CES5A: variants seen among roughly 807,000 people sequenced by gnomAD.
CES5A encodes carboxylesterase 5A, also known as carboxylesterase 5.
A neutral mutation model predicts 62.9 loss-of-function variants in CES5A; 67 were observed. That is an observed-to-expected ratio of 1.07 (90% CI 0.88 to 1.31). CES5A has a LOEUF of 1.31. Among genes scored for constraint, CES5A ranks in the 50% most tolerant of loss-of-function variants. The pLI, the probability that CES5A is intolerant of heterozygous loss-of-function variation, is 0.00. For synonymous variants in CES5A, 296 were observed against 280.8 expected, an observed-to-expected ratio of 1.05 and a Z score of -0.54; for missense variants, 748 against 708.5, an observed-to-expected ratio of 1.06 and a Z score of -0.63.
At chr16:55,954,296 C>G (rs79155935) in intron 1 of CES5A, among the ~76,000 whole-genome samples, 1 of 152,138 alleles carries the variant, frequency 6.6e-6, no homozygotes, top group African/African-American at 2.4e-5. Flanking sequence ...AAGAAAATAA[C>G]TTTTCCAGAA....
chr16:55,933,912 C>A (rs1237693106), intron 2 of CES5A, among the ~76,000 whole-genome samples: 1 of 152,100 alleles, frequency 6.6e-6, no homozygotes, highest in South Asian at 2.1e-4. Flanking sequence ...AACCCTTGAC[C>A]CCACCTCCTC....
chr16:55,919,695 C>A (rs1370440123), intron 1 of CES5A, among the ~76,000 whole-genome samples: 2 of 152,180 alleles, frequency 1.3e-5, no homozygotes, highest in Admixed American at 6.5e-5. Context: ...TTTAAAAAAT[C>A]AATTTATACA....
chr16:55,913,802 G>C (rs905317593), intron 1 of CES5A, among the ~76,000 whole-genome samples: 5 of 152,310 alleles, frequency 3.3e-5, no homozygotes, highest in Non-Finnish European at 7.3e-5. Flanking sequence ...AATGCATTTA[G>C]TCATTCATTT....
intron 1 of CES5A, among the ~76,000 whole-genome samples, chr16:55,953,137 C>T (rs1270580714): frequency 1.3e-5 from 2 of 152,156 alleles, no homozygotes; most frequent in Non-Finnish European, 2.9e-5. Flanking sequence ...TCAACTGATG[C>T]TAAAATTTAA....
chr16:55,862,721 G>C (rs1294079538), intron 6 of CES5A, among the ~76,000 whole-genome samples: 2 of 152,198 alleles, frequency 1.3e-5, no homozygotes, highest in East Asian at 3.8e-4. Context: ...GCACAGCCCA[G>C]TGCTTAATTA....
At chr16:55,911,414 G>A (rs1213134079) in intron 1 of CES5A, among the ~76,000 whole-genome samples, 1 of 152,180 alleles carries the variant, frequency 6.6e-6, no homozygotes, top group Non-Finnish European at 1.5e-5. Context: ...GATCGTGGTG[G>A]ACAACATACA....
intron 1 of CES5A, among the ~76,000 whole-genome samples, chr16:55,906,983 C>T (rs79361135): frequency 0.019 from 2,935 of 152,282 alleles, 104 homozygotes; most frequent in African/African-American, 0.067. Context: ...AGTCTCTGCC[C>T]ATAGGGTTGT....
intron 8 of CES5A, among the ~76,000 whole-genome samples, chr16:55,858,687 C>T (rs2033292451): frequency 6.6e-6 from 1 of 152,210 alleles, no homozygotes. Context: ...TATTTCTTAA[C>T]CCTATTTCCT....
chr16:55,874,193 G>T (rs2033654484), intron 1 of CES5A, among the ~76,000 whole-genome samples, 156 bp from the exon 2 acceptor site: 1 of 152,198 alleles, frequency 6.6e-6, no homozygotes, highest in Admixed American at 6.5e-5. Flanking sequence ...CCAGTTCCAT[G>T]GCTTTTTCCA....
intron 6 of CES5A, 129 bp downstream of exon 6, chr16:55,863,219 C>T (rs1207169777): frequency 2.8e-5 from 19 of 674,990 alleles, no homozygotes; most frequent in Non-Finnish European, 8.2e-6. Flanking sequence ...ACAAGGTTCA[C>T]CTTGGGCCAG....
At position 55,846,533 on chromosome 16, in the gene CES5A, G is replaced by A. The variant is rs762533167; in HGVS notation, c.1646C>T (p.Ala549Val). The A allele has an allele frequency of 6.2e-7, 1 of 1,614,160 alleles. No individual in the cohort carries two copies. Among genetic ancestry groups the A allele is most frequent in the South Asian group, 1.1e-5 (1 of 91,078 alleles). The change falls in exon 13 of 13, where the codon GCC becomes GTC. Residue 549 changes from alanine (A) to valine (V), a missense_variant. By Grantham distance (64) the Ala-to-Val change is moderately conservative (BLOSUM62 0). Coordinates refer to ENST00000290567, the MANE Select transcript of CES5A (RefSeq NM_001143685.2). ...AAGAGGACTGTGGAGCATGTCGGAG[G>A]CAGACAGGATCAGGGGGATGGTGCT... The part of the protein sequence containing the change: ...WTSTIPLILS[A>V]SDMLHSPLSS...
chr16:55,889,410 C>T (rs1246778210), intron 1 of CES5A, among the ~76,000 whole-genome samples: 1 of 152,144 alleles, frequency 6.6e-6, no homozygotes, highest in Non-Finnish European at 1.5e-5. Flanking sequence ...AATTGGGATT[C>T]CCATGACCCC....
chr16:55,936,278 C>A (rs1295518682), intron 2 of CES5A, among the ~76,000 whole-genome samples: 1 of 152,158 alleles, frequency 6.6e-6, no homozygotes, highest in Admixed American at 6.5e-5. Flanking sequence ...CATAAAGAGA[C>A]CTGGGGTTTG....
chr16:55,851,808 T>C (rs775149066), intron 10 of CES5A, among the ~76,000 whole-genome samples: 2 of 152,178 alleles, frequency 1.3e-5, no homozygotes, highest in Non-Finnish European at 2.9e-5. Flanking sequence ...AATGAATAAA[T>C]GGATACACAA....
chr16:55,936,798 G>A (rs1490665115), intron 2 of CES5A, among the ~76,000 whole-genome samples: 1 of 152,156 alleles, frequency 6.6e-6, no homozygotes, highest in Non-Finnish European at 1.5e-5. Context: ...AACATTTTTT[G>A]AGTATCTATT....
intron 2 of CES5A, chr16:55,944,234 C>A (rs577707725): frequency 3.2e-6 from 2 of 622,860 alleles, no homozygotes; most frequent in African/African-American, 1.8e-5. Context: ...AGACCCCTCT[C>A]CTCCAGGGAC....
intron 2 of CES5A, among the ~76,000 whole-genome samples, chr16:55,943,824 C>T (rs760784189): frequency 3.1e-4 from 47 of 152,266 alleles, no homozygotes; most frequent in Middle Eastern, 3.4e-3. Context: ...GTGATGTCAG[C>T]CTAGTCATTC....
intron 2 of CES5A, among the ~76,000 whole-genome samples, chr16:55,943,134 AG>A (rs1383520654): frequency 1.3e-5 from 2 of 152,232 alleles, no homozygotes; most frequent in Non-Finnish European, 2.9e-5. Context: ...AACATTTTAG[AG>A]TTGCGCATTT....
chr16:55,947,760 G>T (rs746863016), intron 2 of CES5A, among the ~76,000 whole-genome samples: 1 of 152,010 alleles, frequency 6.6e-6, no homozygotes, highest in Non-Finnish European at 1.5e-5. Context: ...TTTCAGCAGG[G>T]AGAACTTCAA....
Sources: allele counts gnomAD v4.1 joint callset (sites outside exome capture counted in the v4.1 genomes callset), GRCh38; gene constraint gnomAD v4.1.1; transcripts MANE v1.5; gene names NCBI Gene and HGNC (gene_info 2026-07-23, HGNC 2026-07-21).